Variants in PRDM5 observed in about 807,000 individuals in gnomAD.
The protein encoded by PRDM5 is PR domain zinc finger protein 5.
Under a neutral mutation model 81.2 loss-of-function variants are expected in PRDM5, and 56 were observed. The observed-to-expected ratio is 0.69, with a 90% CI of 0.56 to 0.86. The LOEUF (loss-of-function observed/expected upper bound fraction) is 0.86. Ranked by LOEUF, PRDM5 falls within the 40% of genes least tolerant of loss-of-function variation. The pLI, the probability that PRDM5 is intolerant of heterozygous loss-of-function variation, is 0.00. For synonymous variants in PRDM5, 267 were observed against 256.4 expected (o/e 1.04, Z -0.39); for missense variants, 697 against 770.1 (o/e 0.91, Z 1.12).
At chr4:120,825,249 C>T (rs1755810001) in intron 3 of PRDM5, among the ~76,000 whole-genome samples, 1 of 152,128 alleles carries the variant, frequency 6.6e-6, no homozygotes, top group South Asian at 2.1e-4. Flanking sequence ...AAAGTCTAGC[C>T]AGATGCCCTA....
intron 2 of PRDM5, among the ~76,000 whole-genome samples, chr4:120,905,093 T>G (rs918040721): frequency 6.6e-6 from 1 of 152,204 alleles, no homozygotes; most frequent in Admixed American, 6.5e-5. Context: ...TTAAAATGTT[T>G]AAGTACATAA....
intron 14 of PRDM5, among the ~76,000 whole-genome samples, chr4:120,737,643 G>C (rs17051238): frequency 6.6e-6 from 1 of 152,164 alleles, no homozygotes. Context: ...ATGAATGCAC[G>C]CACTCTTGCC....
At chr4:120,727,690 CTT>C (rs1739627630) in intron 14 of PRDM5, among the ~76,000 whole-genome samples, 1 of 152,114 alleles carries the variant, frequency 6.6e-6, no homozygotes, top group African/African-American at 2.4e-5. Context: ...AATCCCAACA[CTT>C]TGGGCGGCTG....
intron 14 of PRDM5, among the ~76,000 whole-genome samples, chr4:120,717,181 G>A (rs956025022): frequency 1.6e-4 from 25 of 151,980 alleles, no homozygotes; most frequent in South Asian, 6.3e-4. Flanking sequence ...TTAGGTTCTT[G>A]ATTAATTCTG....
intron 3 of PRDM5, among the ~76,000 whole-genome samples, chr4:120,842,065 A>G (rs1003449683): frequency 6.6e-6 from 1 of 152,166 alleles, no homozygotes; most frequent in Non-Finnish European, 1.5e-5. Flanking sequence ...TAGTTTTCTG[A>G]GTGAGTCCAG....
At chr4:120,698,478 A>G (rs909474920) in intron 15 of PRDM5, among the ~76,000 whole-genome samples, 1 of 152,068 alleles carries the variant, frequency 6.6e-6, no homozygotes, top group African/African-American at 2.4e-5. Flanking sequence ...TTTCTTCTCC[A>G]TTCACTAGGT....
At position 120,808,916 on chromosome 4, in the gene PRDM5, G is replaced by A. The variant is rs183428246; in HGVS notation, c.945+2454C>T. On this transcript the variant is annotated intron_variant, in intron 8 of 15. Transcript: ENST00000264808. Reference sequence around the variant, plus strand: ...GAACTCACGCTGGCCCGCAAGCGCCGCAGGCAGCCCCGGTTCCCGCCTGGC... The same window carrying A: ...GAACTCACGCTGGCCCGCAAGCGCCACAGGCAGCCCCGGTTCCCGCCTGGC... 8.2e-3 allele frequency among the ~76,000 whole-genome samples: 1,242 copies of A among 152,312 alleles called. 7 individuals carry two copies. Among genetic ancestry groups the A allele is most frequent in the Non-Finnish European group, 0.014 (921 of 68,022 alleles).
chr4:120,758,039 GT>G (rs1745039476), intron 13 of PRDM5, among the ~76,000 whole-genome samples: 5 of 151,974 alleles, frequency 3.3e-5, no homozygotes, highest in Non-Finnish European at 1.5e-5. Context: ...CCTGCTCCTG[GT>G]TTTCAGGCCT....
chr4:120,777,287 A>G lies in PRDM5; in HGVS notation c.1444-6T>C, dbSNP rs1748312340. ...TCCTTTTCTCCTGTATGTGTCTAAA[A>G]GGAAAGGGATAAAAAGGCTAAGGAT... On this transcript the variant is annotated splice_region_variant and splice_polypyrimidine_tract_variant and intron_variant, in intron 12 of 15. Transcript: ENST00000264808. The G allele has an allele frequency of 3.1e-6, 5 of 1,613,120 alleles. No individual in the cohort carries two copies. The highest frequency in any genetic ancestry group is 1.3e-5 in the African/African-American group (1 of 74,892).
intron 3 of PRDM5, among the ~76,000 whole-genome samples, chr4:120,845,553 C>G (rs760078401): frequency 6.6e-6 from 1 of 152,188 alleles, no homozygotes; most frequent in African/African-American, 2.4e-5. Flanking sequence ...CTTCTGAAAA[C>G]TACTGCTCAT....
intron 2 of PRDM5, among the ~76,000 whole-genome samples, chr4:120,904,199 A>AAAAAAAAAAAAAAC (rs1377943506): frequency 6.9e-6 from 1 of 144,834 alleles, no homozygotes; most frequent in South Asian, 2.2e-4. Context: ...CAAAAAAAAA[A>AAAAAAAAAAAAAAC]AAAAAACAAA....
intron 2 of PRDM5, among the ~76,000 whole-genome samples, chr4:120,904,211 A>AAAAAAAAAAAC (rs1765541657): frequency 6.7e-6 from 1 of 148,744 alleles, no homozygotes; most frequent in Non-Finnish European, 1.5e-5. Context: ...AAAAACAAAA[A>AAAAAAAAAAAC]AACCTCCTTC....
At chr4:120,764,111 C>G (rs545981075) in intron 13 of PRDM5, among the ~76,000 whole-genome samples, 70 of 151,964 alleles carry the variant, frequency 4.6e-4, no homozygotes, top group African/African-American at 1.6e-3. Context: ...GTTGGTGATG[C>G]AAGTTTAATA....
chr4:120,772,091 T>C (rs1747375556), intron 13 of PRDM5, among the ~76,000 whole-genome samples: 1 of 152,160 alleles, frequency 6.6e-6, no homozygotes, highest in Admixed American at 6.5e-5. Flanking sequence ...GCCCCTGCTC[T>C]TTCCATTATG....
chr4:120,778,261 C>T (rs1472415865), intron 12 of PRDM5, among the ~76,000 whole-genome samples: 1 of 151,940 alleles, frequency 6.6e-6, no homozygotes, highest in Non-Finnish European at 1.5e-5. Flanking sequence ...ACAGAGCTTC[C>T]AGGGCCTGTG....
At chr4:120,712,635 T>TACA (rs1384194542) in intron 14 of PRDM5, among the ~76,000 whole-genome samples, 1 of 152,208 alleles carries the variant, frequency 6.6e-6, no homozygotes, top group Non-Finnish European at 1.5e-5. Context: ...AGATAGAGTA[T>TACA]TATTTTGCCA....
At chr4:120,725,492 G>C (rs1384649905) in intron 14 of PRDM5, among the ~76,000 whole-genome samples, 1 of 151,958 alleles carries the variant, frequency 6.6e-6, no homozygotes, top group Non-Finnish European at 1.5e-5. Context: ...TTTCCTAATA[G>C]GCCTTGGTGA....
chr4:120,835,276 G>A (rs1757209766), intron 3 of PRDM5, among the ~76,000 whole-genome samples: 1 of 152,194 alleles, frequency 6.6e-6, no homozygotes, highest in Non-Finnish European at 1.5e-5. Flanking sequence ...GAGCAGCACA[G>A]TACTACTGAA....
chr4:120,853,384 G>A, intron 3 of PRDM5, 34 bp downstream of exon 3: 3 of 1,613,334 alleles, frequency 1.9e-6, no homozygotes, highest in Non-Finnish European at 2.5e-6. Flanking sequence ...CCCCCTCACA[G>A]TGCATAGTAC....
Sources: allele counts gnomAD v4.1 joint callset (sites outside exome capture counted in the v4.1 genomes callset), GRCh38; gene constraint gnomAD v4.1.1; transcripts MANE v1.5; gene names NCBI Gene and HGNC (gene_info 2026-07-23, HGNC 2026-07-21).